FCRL2: variants seen among roughly 807,000 people sequenced by gnomAD.
FCRL2 encodes the protein Fc receptor-like protein 2.
FCRL2 carries 48 observed loss-of-function variants against 59.8 expected under a neutral mutation model. The ratio of observed to expected loss-of-function variants is 0.80; its 90% CI spans 0.64 to 1.02. The LOEUF is 1.02. Among genes scored for constraint, FCRL2 ranks in the 50% least tolerant of loss-of-function variants. The pLI is 0.00. For missense variants in FCRL2, 658 were observed against 597.3 expected (o/e 1.10, Z -1.06); for synonymous variants, 251 against 229.5 (o/e 1.09, Z -0.85).
At chr1:157,749,807 A>C in intron 7 of FCRL2, 130 bp from the exon 8 acceptor site, 1 of 558,976 alleles carries the variant, frequency 1.8e-6, no homozygotes, top group Non-Finnish European at 3.2e-6. Flanking sequence ...ATTGTATTTC[A>C]TCTAAATGGC....
intron 7 of FCRL2, among the ~76,000 whole-genome samples, chr1:157,758,915 T>C (rs1473436118): frequency 6.6e-6 from 1 of 152,182 alleles, no homozygotes; most frequent in Non-Finnish European, 1.5e-5. Flanking sequence ...TTTCACCATA[T>C]ACAAAAATCA....
Position 157,748,439 on chromosome 1 carries a change from GACAA to G in FCRL2, c.1459+110_1459+113del, listed in dbSNP as rs1395193259. ...CTCCTCAAAAGTAGATAGATAGATA[GACAA>G]ATAAATAAATAAATAAATAAATAAA... is the stretch of plus-strand genomic sequence containing the variant. On this transcript the variant is annotated intron_variant, in intron 10 of 11. Coordinates refer to ENST00000361516, the MANE Select transcript of FCRL2 (RefSeq NM_030764.4). 11 of 372,410 alleles carry G rather than the reference GACAA, an allele frequency of 3.0e-5. No homozygotes were observed. The South Asian group carries it at 3.5e-4, about 12-fold the overall frequency. 23.1% of individuals were successfully genotyped at this position (372,410 alleles called of 1,614,324 possible). A position where few individuals can be genotyped will look rare whatever the true frequency, so the allele number is the denominator to read the frequency against.
Position 157,749,685 on chromosome 1 carries a change from G to A in FCRL2, c.1280-8C>T. On this transcript the variant is annotated splice_region_variant and splice_polypyrimidine_tract_variant and intron_variant, in intron 7 of 11. Coordinates refer to ENST00000361516, the MANE Select transcript of FCRL2 (RefSeq NM_030764.4). ...TAGTGGCAGAACTTTCTCCTGAAAT[G>A]CAAATAAAACAAAATTCATTTCAGA... 1 of 1,605,460 alleles carries A rather than the reference G, an allele frequency of 6.2e-7. No individual in the cohort carries two copies. The highest frequency in any genetic ancestry group is 8.5e-7 in the Non-Finnish European group (1 of 1,174,552).
At chr1:157,767,024 C>T in intron 6 of FCRL2, 53 bp from the exon 7 acceptor site, 1 of 1,481,542 alleles carries the variant, frequency 6.7e-7, no homozygotes, top group South Asian at 1.2e-5. Context: ...TTGGGCCCTT[C>T]TTATAAATGC....
intron 7 of FCRL2, among the ~76,000 whole-genome samples, chr1:157,754,924 C>T (rs539103131): frequency 2.2e-4 from 33 of 151,786 alleles, no homozygotes; most frequent in Admixed American, 5.2e-4. Flanking sequence ...CGAGATTGCA[C>T]CACTGCACTC....
intron 1 of FCRL2, 100 bp downstream of exon 1, chr1:157,776,943 C>A: frequency 8.6e-7 from 1 of 1,161,494 alleles, no homozygotes; most frequent in Non-Finnish European, 1.3e-6. Context: ...ACCTGAGCAT[C>A]CCCACCAGTC....
intron 7 of FCRL2, among the ~76,000 whole-genome samples, chr1:157,752,118 G>T (rs1648236645): frequency 6.6e-6 from 1 of 152,212 alleles, no homozygotes; most frequent in Non-Finnish European, 1.5e-5. Context: ...GCTCTTTGGA[G>T]AAACTATGTT....
At chr1:157,772,234 G>T (rs1196513950) in intron 2 of FCRL2, among the ~76,000 whole-genome samples, 3 of 151,910 alleles carry the variant, frequency 2.0e-5, no homozygotes, top group African/African-American at 7.3e-5. Context: ...ACACCACTGG[G>T]GATAGGAAGA....
intron 7 of FCRL2, among the ~76,000 whole-genome samples, chr1:157,755,022 G>T (rs1008418420): frequency 1.3e-5 from 2 of 151,268 alleles, no homozygotes; most frequent in Non-Finnish European, 2.9e-5. Context: ...TCTAAGAATG[G>T]GGAAGACCTT....
At chr1:157,774,689 G>T (rs926904501) in intron 2 of FCRL2, among the ~76,000 whole-genome samples, 2 of 152,128 alleles carry the variant, frequency 1.3e-5, no homozygotes, top group Non-Finnish European at 2.9e-5. Context: ...TGGAGTGATG[G>T]GTATCACAGG....
intron 6 of FCRL2, 95 bp downstream of exon 6, chr1:157,767,136 A>G (rs1649556498): frequency 1.4e-6 from 2 of 1,449,218 alleles, no homozygotes; most frequent in Non-Finnish European, 1.9e-6. Context: ...GGACACTGAG[A>G]TCACCTTCCC....
intron 3 of FCRL2, 96 bp from the exon 4 acceptor site, chr1:157,770,246 T>A: frequency 6.7e-7 from 1 of 1,493,256 alleles, no homozygotes; most frequent in Non-Finnish European, 9.1e-7. Context: ...AACAGGACAT[T>A]CAGAGCTAGA....
Position 157,748,648 on chromosome 1 carries a change from G to A in FCRL2, c.1394-30C>T, listed in dbSNP as rs371187782. The A allele has an allele frequency of 1.0e-5, 16 of 1,598,552 alleles. 1 individual carries two copies. Among genetic ancestry groups the A allele is most frequent in the Non-Finnish European group, 1.1e-5 (13 of 1,166,524 alleles). ...AGGGAGAAGACAAGAGTTCACAGAT[G>A]TTGGTGGCCCAGGGTTCACACTTCA... is the stretch of plus-strand genomic sequence containing the variant. On this transcript the variant is annotated intron_variant, in intron 9 of 11. Transcript: ENST00000361516.
intron 2 of FCRL2, among the ~76,000 whole-genome samples, chr1:157,772,835 G>A (rs1650127534): frequency 6.6e-6 from 1 of 152,154 alleles, no homozygotes; most frequent in African/African-American, 2.4e-5. Context: ...CTAGCTATGT[G>A]TTTACTTAAG....
At position 157,768,713 on chromosome 1, in the gene FCRL2, T is replaced by A; in HGVS notation, c.596-12A>T. ...AGAGATGGGGATTCCTAGATGGATA[T>A]AAGACAACAGGTGAGAACTCTAAGG... On this transcript the variant is annotated splice_polypyrimidine_tract_variant and intron_variant, in intron 4 of 11. Coordinates refer to ENST00000361516, the MANE Select transcript of FCRL2 (RefSeq NM_030764.4). 1 of 1,593,632 alleles carries A rather than the reference T, an allele frequency of 6.3e-7. No individual in the cohort carries two copies.
At chr1:157,769,705 G>A in intron 4 of FCRL2, 161 bp downstream of exon 4, 1 of 705,804 alleles carries the variant, frequency 1.4e-6, no homozygotes, top group South Asian at 1.9e-5. Context: ...GGGATTACAG[G>A]CGTGAGCCAC....
At chr1:157,754,683 G>A (rs1398412965) in intron 7 of FCRL2, among the ~76,000 whole-genome samples, 1 of 151,920 alleles carries the variant, frequency 6.6e-6, no homozygotes, top group African/African-American at 2.4e-5. Flanking sequence ...AAGAAAATAT[G>A]GGCCTGGCAC....
At chr1:157,772,828 G>A (rs1650126869) in intron 2 of FCRL2, among the ~76,000 whole-genome samples, 1 of 152,114 alleles carries the variant, frequency 6.6e-6, no homozygotes, top group Non-Finnish European at 1.5e-5. Flanking sequence ...AGCATATCTA[G>A]CTATGTGTTT....
chr1:157,775,894 AT>A, intron 1 of FCRL2, 99 bp from the exon 2 acceptor site: 2 of 1,327,936 alleles, frequency 1.5e-6, no homozygotes, highest in Non-Finnish European at 2.1e-6. Context: ...ACTTCTTTCC[AT>A]TTTCCCTTTC....
Sources: gnomAD v4.1 joint callset for allele counts (sites outside exome capture counted in the v4.1 genomes callset) on GRCh38, gnomAD v4.1.1 for gene constraint, MANE v1.5 for transcripts, NCBI Gene and HGNC (gene_info 2026-07-23, HGNC 2026-07-21) for gene names.